The following SUDS3 variants were observed in gnomAD, a reference collection of about 807,000 sequenced individuals.
SUDS3 encodes SIN3A corepressor complex component SDS3.
SUDS3 carries 23 observed loss-of-function variants against 53.5 expected under a neutral mutation model. The ratio of observed to expected loss-of-function variants is 0.43; its 90% CI spans 0.31 to 0.61. SUDS3 has a LOEUF of 0.61. Among genes scored for constraint, SUDS3 ranks in the 20% least tolerant of loss-of-function variants. SUDS3 has a pLI of 0.10. For missense variants in SUDS3, 291 were observed against 405.9 expected, an observed-to-expected ratio of 0.72 and a Z score of 2.43; for synonymous variants, 150 against 148.5, an observed-to-expected ratio of 1.01 and a Z score of -0.08.
At chr12:118,392,589 T>C (rs2046177220) in intron 6 of SUDS3, among the ~76,000 whole-genome samples, 1 of 152,214 alleles carries the variant, frequency 6.6e-6, no homozygotes, top group African/African-American at 2.4e-5. Flanking sequence ...ATAGTCTTGT[T>C]CTTGTGAAAG....
intron 7 of SUDS3, 78 bp from the exon 8 acceptor site, chr12:118,401,681 A>G (rs780632672): frequency 9.2e-6 from 11 of 1,191,590 alleles, no homozygotes; most frequent in Middle Eastern, 2.0e-4. Flanking sequence ...GTAAATTCTA[A>G]AATACTGGTA....
At chr12:118,382,655 A>C (rs1044477974) in intron 2 of SUDS3, among the ~76,000 whole-genome samples, 1 of 144,122 alleles carries the variant, frequency 6.9e-6, no homozygotes, top group African/African-American at 2.6e-5. Flanking sequence ...GAATAAGCCA[A>C]TGTGCCCAGC....
chr12:118,384,422 T>C (rs900788492), intron 3 of SUDS3, among the ~76,000 whole-genome samples: 12 of 152,238 alleles, frequency 7.9e-5, no homozygotes, highest in Admixed American at 6.5e-5. Context: ...CAAATGTTAA[T>C]GACCTTGTGG....
At position 118,417,657 on chromosome 12, in the gene SUDS3, GTA is replaced by G. The variant is rs1347083577; in HGVS notation, c.*3225_*3226del. The stretch of plus-strand genomic sequence containing the variant: ...CCATTAAATATTCTGAGAGGTGAAT[GTA>G]AAATATAAAAGGTATAGGTTTTTTT... On this transcript the variant is annotated 3_prime_UTR_variant, in exon 12 of 12. Transcript: ENST00000543473. 6.8e-6 allele frequency: 1 copy of G among 146,888 alleles called. No homozygotes were observed. Among genetic ancestry groups the G allele is most frequent in the Admixed American group, 6.8e-5 (1 of 14,738 alleles). 9.1% of individuals were successfully genotyped at this position (146,888 alleles called of 1,614,324 possible).
At position 118,403,474 on chromosome 12, in the gene SUDS3, G is replaced by A; in HGVS notation, c.760G>A (p.Glu254Lys). ...CGCGGAATCTCCAGCCCAGAGGTTC[G>A]AAGCTCGGATAGAAGATGGCAAACT... ...TPAESPAQRF[E>K]ARIEDGKLYY... Residue 254 changes from glutamate to lysine, a missense_variant, in exon 10 of 12, where the codon GAA becomes AAA. By Grantham distance (56) the Glu-to-Lys change is moderately conservative (BLOSUM62 1). Transcript: ENST00000543473. The A allele has an allele frequency of 1.9e-6, 3 of 1,613,660 alleles. No individual in the cohort carries two copies. The highest frequency in any genetic ancestry group is 2.5e-6 in the Non-Finnish European group (3 of 1,179,794).
At chr12:118,385,399 A>G (rs1466063393) in intron 3 of SUDS3, among the ~76,000 whole-genome samples, 1 of 152,186 alleles carries the variant, frequency 6.6e-6, no homozygotes, top group Non-Finnish European at 1.5e-5. Flanking sequence ...ATGAGCCACC[A>G]TGCCCAGCCT....
chr12:118,387,011 G>C (rs1281221914), intron 4 of SUDS3, among the ~76,000 whole-genome samples: 1 of 152,162 alleles, frequency 6.6e-6, no homozygotes, highest in East Asian at 1.9e-4. Flanking sequence ...AATGAGGGTT[G>C]GGTGCCACTC....
intron 2 of SUDS3, among the ~76,000 whole-genome samples, chr12:118,381,666 C>T (rs1220306706): frequency 6.6e-6 from 1 of 152,138 alleles, no homozygotes; most frequent in South Asian, 2.1e-4. Flanking sequence ...GGATTACAGG[C>T]GTGAGCGACC....
intron 6 of SUDS3, among the ~76,000 whole-genome samples, chr12:118,392,466 T>G (rs2046176164): frequency 6.6e-6 from 1 of 152,166 alleles, no homozygotes. Flanking sequence ...AGCTTCCTCA[T>G]AGAGAGAGTT....
chr12:118,399,839 G>T (rs1324566328), intron 6 of SUDS3, among the ~76,000 whole-genome samples: 1 of 152,222 alleles, frequency 6.6e-6, no homozygotes, highest in Admixed American at 6.5e-5. Flanking sequence ...TGGAGAATGT[G>T]TGGTGTCAGG....
At chr12:118,393,280 A>T (rs61943398) in intron 6 of SUDS3, among the ~76,000 whole-genome samples, 22,439 of 152,190 alleles carry the variant, frequency 0.15, 1,714 homozygotes, top group Middle Eastern at 0.2. Context: ...TGCCCTGAAA[A>T]ATACTTTTTA....
At chr12:118,397,583 C>T (rs1317815718) in intron 6 of SUDS3, among the ~76,000 whole-genome samples, 1 of 152,154 alleles carries the variant, frequency 6.6e-6, no homozygotes, top group African/African-American at 2.4e-5. Flanking sequence ...CAGGACTGCT[C>T]CCTTCTGTCT....
At chr12:118,397,093 C>T (rs903722494) in intron 6 of SUDS3, among the ~76,000 whole-genome samples, 1 of 152,126 alleles carries the variant, frequency 6.6e-6, no homozygotes. Flanking sequence ...AAAATAGTAT[C>T]TCCACTGAAG....
chr12:118,406,348 T>C (rs779167854), intron 10 of SUDS3, among the ~76,000 whole-genome samples: 8 of 152,184 alleles, frequency 5.3e-5, no homozygotes, highest in Non-Finnish European at 1.0e-4. Flanking sequence ...TTGGGACTCC[T>C]TGAGGTTCTG....
intron 6 of SUDS3, among the ~76,000 whole-genome samples, chr12:118,395,135 T>G (rs868444433): frequency 1.3e-5 from 2 of 150,518 alleles, no homozygotes; most frequent in Non-Finnish European, 2.9e-5. Flanking sequence ...AGAGGGAGAA[T>G]GGAAGAGGTG....
intron 6 of SUDS3, among the ~76,000 whole-genome samples, chr12:118,399,439 T>C (rs1004721976): frequency 1.1e-4 from 16 of 151,956 alleles, no homozygotes; most frequent in African/African-American, 3.6e-4. Context: ...GAGGCAGAGG[T>C]TGCAGTGAAT....
At chr12:118,405,402 G>C (rs1191691184) in intron 10 of SUDS3, among the ~76,000 whole-genome samples, 1 of 151,970 alleles carries the variant, frequency 6.6e-6, no homozygotes, top group Admixed American at 6.6e-5. Flanking sequence ...TAAAATTCTT[G>C]TTTTTTTAAA....
In SUDS3 at chr12:118,414,551, A is replaced by G. The variant is rs942802441; in HGVS notation, c.*118A>G. The G allele has an allele frequency of 1.1e-5, 9 of 827,940 alleles. No homozygotes were observed. Among genetic ancestry groups the G allele is most frequent in the Non-Finnish European group, 1.6e-5 (9 of 549,358 alleles). 51.3% of individuals were successfully genotyped at this position (827,940 alleles called of 1,614,324 possible). A position where few individuals can be genotyped will look rare whatever the true frequency, so the allele number is the denominator to read the frequency against. On this transcript the variant is annotated 3_prime_UTR_variant, in exon 12 of 12. Transcript: ENST00000543473. ...ACTGGGAATAGCTACTCAGCCTTGGAAATGGAGAGCACTGCAGTGAATTCT... is the reference window on the plus strand; with the variant it reads ...ACTGGGAATAGCTACTCAGCCTTGGGAATGGAGAGCACTGCAGTGAATTCT...
At chr12:118,383,415 G>A (rs574175715) in intron 2 of SUDS3, among the ~76,000 whole-genome samples, 20 of 152,328 alleles carry the variant, frequency 1.3e-4, no homozygotes, top group African/African-American at 4.8e-4. Context: ...CATGCCAAAT[G>A]CTTTTGCTTC....
Sources: allele counts gnomAD v4.1 joint callset (sites outside exome capture counted in the v4.1 genomes callset), GRCh38; gene constraint gnomAD v4.1.1; transcripts MANE v1.5; gene names NCBI Gene and HGNC (gene_info 2026-07-23, HGNC 2026-07-21).